The following PRKN variants were observed in gnomAD, a reference collection of about 807,000 sequenced individuals.
PRKN encodes the protein E3 ubiquitin-protein ligase parkin.
Under a neutral mutation model 59.5 loss-of-function variants are expected in PRKN, and 56 were observed. That is an observed-to-expected ratio of 0.94 (90% CI 0.76 to 1.18). The LOEUF is 1.18. Among genes scored for constraint, PRKN ranks in the 50% most tolerant of loss-of-function variants. The pLI is 0.00. For missense variants in PRKN, 657 were observed against 596.4 expected, an observed-to-expected ratio of 1.10 and a Z score of -1.06; for synonymous variants, 250 against 222.1, an observed-to-expected ratio of 1.13 and a Z score of -1.12.
intron 1 of PRKN, among the ~76,000 whole-genome samples, chr6:162,673,366 GA>G (rs1180600130): frequency 6.6e-6 from 1 of 151,566 alleles, no homozygotes; most frequent in African/African-American, 2.4e-5. Flanking sequence ...CACTCACTTT[GA>G]AAAAAAACAG....
At chr6:162,599,776 C>T (rs1583881572) in intron 1 of PRKN, among the ~76,000 whole-genome samples, 1 of 152,042 alleles carries the variant, frequency 6.6e-6, no homozygotes, top group Non-Finnish European at 1.5e-5. Flanking sequence ...ATGCTTGATG[C>T]CTAATTTCAA....
intron 2 of PRKN, among the ~76,000 whole-genome samples, chr6:162,398,199 G>T (rs1472702074): frequency 6.6e-6 from 1 of 152,020 alleles, no homozygotes; most frequent in Non-Finnish European, 1.5e-5. Context: ...ATACAAACAT[G>T]AAAAACATAT....
At chr6:162,534,529 T>A (rs755417652) in intron 1 of PRKN, among the ~76,000 whole-genome samples, 1 of 152,210 alleles carries the variant, frequency 6.6e-6, no homozygotes, top group Non-Finnish European at 1.5e-5. Flanking sequence ...GAAGTTTATA[T>A]GGCTTTATTT....
chr6:162,217,513 T>C (rs1343723373), intron 3 of PRKN, among the ~76,000 whole-genome samples: 1 of 152,144 alleles, frequency 6.6e-6, no homozygotes, highest in Non-Finnish European at 1.5e-5. Flanking sequence ...CCCTCCCAAG[T>C]AGCTGGGATT....
At chr6:162,155,952 G>A (rs1341949784) in intron 4 of PRKN, among the ~76,000 whole-genome samples, 1 of 152,092 alleles carries the variant, frequency 6.6e-6, no homozygotes, top group Admixed American at 6.6e-5. Context: ...AGGAGCCCAG[G>A]GCAACTTGCT....
At chr6:162,351,455 A>G (rs916051076) in intron 2 of PRKN, among the ~76,000 whole-genome samples, 4 of 152,218 alleles carry the variant, frequency 2.6e-5, no homozygotes, top group Non-Finnish European at 4.4e-5. Flanking sequence ...TCAAGAATAT[A>G]AAACAACTAG....
intron 1 of PRKN, among the ~76,000 whole-genome samples, chr6:162,503,320 G>A (rs1583683174): frequency 6.6e-6 from 1 of 151,788 alleles, no homozygotes; most frequent in Middle Eastern, 3.4e-3. Context: ...CCACCACTAT[G>A]CCTGGCTAAT....
chr6:162,370,893 C>T (rs1460141434), intron 2 of PRKN, among the ~76,000 whole-genome samples: 7 of 152,090 alleles, frequency 4.6e-5, no homozygotes, highest in East Asian at 1.9e-4. Context: ...GCTTGGCTCA[C>T]GGGCATCATT....
In PRKN at chr6:161,533,717, G is replaced by A. The variant is rs1444857041; in HGVS notation, c.1083+15137C>T. Among the ~76,000 whole-genome samples the A allele has an allele frequency of 6.6e-6, 1 of 151,632 alleles. No individual in the cohort carries two copies. The highest frequency in any genetic ancestry group is 2.4e-5 in the African/African-American group (1 of 41,296). On this transcript the variant is annotated intron_variant, in intron 9 of 11. Coordinates refer to ENST00000366898, the MANE Select transcript of PRKN (RefSeq NM_004562.3). This position sits in a 1 kb window ranked among gnomAD's most constrained non-coding sequence, Gnocchi z 4.1. ...TCTGCCACCTTAACCCTTTTTTTCAGACATCTCTCTCTCTTGCAAGGAGCT... is the reference window on the plus strand; with the variant it reads ...TCTGCCACCTTAACCCTTTTTTTCAAACATCTCTCTCTCTTGCAAGGAGCT...
chr6:162,411,304 C>A (rs73035716), intron 2 of PRKN, among the ~76,000 whole-genome samples: 4,027 of 152,196 alleles, frequency 0.026, 70 homozygotes, highest in Non-Finnish European at 0.042. Flanking sequence ...TAACAGTAAA[C>A]CTTGAGATAC....
intron 6 of PRKN, among the ~76,000 whole-genome samples, chr6:161,845,270 C>T (rs1340923869): frequency 6.6e-6 from 1 of 152,172 alleles, no homozygotes; most frequent in Non-Finnish European, 1.5e-5. Flanking sequence ...AGGCTGGTGG[C>T]GTCTGTCCAG....
At chr6:161,824,477 C>G (rs950327392) in intron 6 of PRKN, among the ~76,000 whole-genome samples, 1 of 152,082 alleles carries the variant, frequency 6.6e-6, no homozygotes, top group African/African-American at 2.4e-5. Flanking sequence ...AGTGCAGAAA[C>G]CTGTAGAAAT....
At chr6:162,609,726 T>C (rs1024187781) in intron 1 of PRKN, among the ~76,000 whole-genome samples, 2 of 152,194 alleles carry the variant, frequency 1.3e-5, no homozygotes, top group Non-Finnish European at 1.5e-5. Flanking sequence ...ATAAAATACA[T>C]TAAACAAAAT....
At chr6:161,820,178 C>CTAAAAATTCAATAACCACCATTGAA (rs1249873945) in intron 6 of PRKN, among the ~76,000 whole-genome samples, 4 of 140,804 alleles carry the variant, frequency 2.8e-5, no homozygotes, top group Admixed American at 1.4e-4. Context: ...TACAATCTTT[C>CTAAAAATTCAATAACCACCATTGAA]TAAAAATTCA....
intron 7 of PRKN, among the ~76,000 whole-genome samples, chr6:161,773,845 A>C (rs1439921547): frequency 2.0e-5 from 3 of 152,154 alleles, no homozygotes; most frequent in African/African-American, 7.2e-5. Flanking sequence ...GAAGAAGGGG[A>C]AAGAAGTCAG....
At chr6:161,890,125 G>T (rs1227767476) in intron 6 of PRKN, among the ~76,000 whole-genome samples, 5 of 152,032 alleles carry the variant, frequency 3.3e-5, no homozygotes, top group Admixed American at 6.6e-5. Flanking sequence ...GCAATGAGAT[G>T]ATTTATTCAT....
At position 161,973,876 on chromosome 6, in the gene PRKN, G is replaced by C. The variant is rs79525844; in HGVS notation, c.619-459C>G. On this transcript the variant is annotated intron_variant, in intron 5 of 11. Coordinates refer to ENST00000366898, the MANE Select transcript of PRKN (RefSeq NM_004562.3). ...AGGGAAATCCAGTGCTTTTTCTCCAGTATCACTACATGGTTAGTCATTTAG... is the reference window on the plus strand; with the variant it reads ...AGGGAAATCCAGTGCTTTTTCTCCACTATCACTACATGGTTAGTCATTTAG... Among the ~76,000 whole-genome samples the C allele has an allele frequency of 3.5e-4, 54 of 152,264 alleles. No homozygotes were observed. In the East Asian group the frequency reaches 9.1e-3, roughly 26 times the overall value.
chr6:162,550,830 C>T (rs763481314), intron 1 of PRKN, among the ~76,000 whole-genome samples: 6 of 152,238 alleles, frequency 3.9e-5, no homozygotes, highest in East Asian at 1.9e-4. Context: ...CATGCTGCGA[C>T]GGTGCCATGT....
intron 4 of PRKN, among the ~76,000 whole-genome samples, chr6:162,083,595 A>AT (rs970048501): frequency 3.3e-5 from 5 of 151,762 alleles, no homozygotes; most frequent in East Asian, 1.9e-4. Flanking sequence ...AAGAGAAATA[A>AT]TTTTTTTTTC....
Sources: allele counts gnomAD v4.1 joint callset (sites outside exome capture counted in the v4.1 genomes callset), GRCh38; gene constraint gnomAD v4.1.1; non-coding constraint Gnocchi (gnomAD v3.1); transcripts MANE v1.5; gene names NCBI Gene and HGNC (gene_info 2026-07-23, HGNC 2026-07-21).